Variants in APP observed in about 807,000 individuals in gnomAD.
APP encodes amyloid beta precursor protein.
APP carries 31 observed loss-of-function variants against 101.4 expected under a neutral mutation model. That is an observed-to-expected ratio of 0.31 (90% confidence interval 0.23 to 0.41). The LOEUF (loss-of-function observed/expected upper bound fraction) is 0.41. Ranked by LOEUF, APP falls within the 10% of genes least tolerant of loss-of-function variation. APP has a pLI of 1.00. For synonymous variants in APP, 366 were observed against 364.4 expected, an observed-to-expected ratio of 1.00 and a Z score of -0.05; for missense variants, 839 against 1,003.7, an observed-to-expected ratio of 0.84 and a Z score of 2.22.
At chr21:26,157,417 G>A (rs536497298) in intron 1 of APP, among the ~76,000 whole-genome samples, 41 of 152,254 alleles carry the variant, frequency 2.7e-4, no homozygotes, top group Non-Finnish European at 5.1e-4. Context: ...ATGTTAGAAA[G>A]TAAAACCAAC....
intron 1 of APP, among the ~76,000 whole-genome samples, chr21:26,142,523 C>G (rs2063068599): frequency 6.6e-6 from 1 of 152,156 alleles, no homozygotes; most frequent in Non-Finnish European, 1.5e-5. Flanking sequence ...AATTCCAGCA[C>G]TTTGGGAGAT....
intron 13 of APP, among the ~76,000 whole-genome samples, chr21:25,924,544 T>A (rs968755205): frequency 2.0e-5 from 3 of 150,064 alleles, no homozygotes; most frequent in Non-Finnish European, 3.0e-5. Context: ...TTCTCACTCA[T>A]AAGTGGGAGC....
chr21:26,091,696 G>C (rs1002623343), intron 2 of APP, among the ~76,000 whole-genome samples: 2 of 152,126 alleles, frequency 1.3e-5, no homozygotes, highest in African/African-American at 4.8e-5. Flanking sequence ...TTGTCTGAAA[G>C]CATGCACTTC....
chr21:26,038,481 C>A lies in APP; in HGVS notation c.662+12519G>T, dbSNP rs113570611. On this transcript the variant is annotated intron_variant, in intron 5 of 17. Transcript: ENST00000346798. ...TGATTTGACTAAGAAAAAAATCACC[C>A]CAGCTGGCGCGGTGTCTCACGCCTG... Among the ~76,000 whole-genome samples the A allele has an allele frequency of 3.0e-3, 460 of 152,146 alleles. 3 individuals carry two copies. The highest frequency in any genetic ancestry group is 0.01 in the African/African-American group (431 of 41,502).
At chr21:25,905,640 C>T (rs2038750012) in intron 14 of APP, among the ~76,000 whole-genome samples, 1 of 152,196 alleles carries the variant, frequency 6.6e-6, no homozygotes, top group Non-Finnish European at 1.5e-5. Flanking sequence ...AGGGAAACCG[C>T]AGTCTTTTTC....
rs2062336028 is a variant in APP, at chr21:26,112,003, T to C, written c.201A>G (p.Glu67=). The C allele has an allele frequency of 6.2e-7, 1 of 1,614,008 alleles. No individual in the cohort carries two copies. The change falls in exon 2 of 18, where the codon GAA becomes GAG. Residue 67 remains glutamate, a synonymous_variant. Coordinates refer to ENST00000346798, the MANE Select transcript of APP (RefSeq NM_000484.4). ...CTTCTTGGCAATACTGCAGGATGCC[T>C]TCCTTGGTATCAATGCAGGTTTTGG... ...SGTKTCIDTK[E]GILQYCQEVY... is the part of the protein sequence containing the mutation.
chr21:26,034,735 C>A (rs939769817), intron 5 of APP, among the ~76,000 whole-genome samples: 3 of 151,718 alleles, frequency 2.0e-5, no homozygotes, highest in African/African-American at 4.8e-5. Flanking sequence ...AGAGACCAAT[C>A]AGGAACAATG....
At chr21:25,898,864 TCTTTCAATCTTGTCTACGA>T (rs1413114434) in intron 15 of APP, among the ~76,000 whole-genome samples, 2 of 152,204 alleles carry the variant, frequency 1.3e-5, no homozygotes, top group Non-Finnish European at 2.9e-5. Context: ...GCCTAATCAC[TCTTTCAATCTTGTCTACGA>T]GATTCTGGGA....
chr21:26,005,685 AAGAG>A (rs1164779517), intron 6 of APP, among the ~76,000 whole-genome samples: 1 of 152,222 alleles, frequency 6.6e-6, no homozygotes, highest in Admixed American at 6.5e-5. Context: ...AAAATATCTC[AAGAG>A]AGAGTTCAAA....
intron 16 of APP, among the ~76,000 whole-genome samples, chr21:25,893,596 G>C (rs2037835531): frequency 6.6e-6 from 1 of 152,188 alleles, no homozygotes; most frequent in African/African-American, 2.4e-5. Context: ...TTAGGCCAAA[G>C]CCTAATCAAG....
chr21:25,970,396 T>C (rs376604079), intron 11 of APP, among the ~76,000 whole-genome samples: 16 of 152,276 alleles, frequency 1.1e-4, no homozygotes, highest in African/African-American at 1.4e-4. Context: ...GATCTTACTT[T>C]AGAGATTGGA....
chr21:25,973,895 G>GCAC (rs1311336181), intron 11 of APP, among the ~76,000 whole-genome samples: 1 of 143,918 alleles, frequency 6.9e-6, no homozygotes, highest in African/African-American at 2.7e-5. Flanking sequence ...AGCTGAGATT[G>GCAC]CACCACTGCA....
intron 8 of APP, among the ~76,000 whole-genome samples, chr21:25,992,476 T>C (rs988406227): frequency 3.9e-5 from 6 of 152,224 alleles, no homozygotes; most frequent in Non-Finnish European, 7.3e-5. Flanking sequence ...TATTTCATCA[T>C]GAATACATCA....
Position 25,966,073 on chromosome 21 carries a change from T to C in APP, c.1458+8997A>G, listed in dbSNP as rs1427116858. Among the ~76,000 whole-genome samples the C allele has an allele frequency of 2.0e-5, 3 of 152,196 alleles. No homozygotes were observed. The East Asian group carries it at 5.8e-4, about 29-fold the overall frequency. On this transcript the variant is annotated intron_variant, in intron 11 of 17. Coordinates refer to ENST00000346798, the MANE Select transcript of APP (RefSeq NM_000484.4). Reference sequence around the variant, plus strand: ...GCTAATGCCTTCCCAACATACTTCTTAATGTTCTATGTAACTTAATTAAAC... The same window carrying C: ...GCTAATGCCTTCCCAACATACTTCTCAATGTTCTATGTAACTTAATTAAAC...
At chr21:25,896,053 T>C (rs2038023148) in intron 16 of APP, among the ~76,000 whole-genome samples, 1 of 152,174 alleles carries the variant, frequency 6.6e-6, no homozygotes, top group African/African-American at 2.4e-5. Context: ...AATGCAAATC[T>C]GTACATTAAT....
chr21:26,092,094 G>A (rs1048354384), intron 2 of APP, among the ~76,000 whole-genome samples: 1 of 152,182 alleles, frequency 6.6e-6, no homozygotes, highest in African/African-American at 2.4e-5. Flanking sequence ...ATGGCTTGAT[G>A]TCAATTGAGC....
At chr21:26,093,462 C>T (rs78003941) in intron 2 of APP, among the ~76,000 whole-genome samples, 3,389 of 152,206 alleles carry the variant, frequency 0.022, 84 homozygotes, top group East Asian at 0.1. Flanking sequence ...AACTTAAAAC[C>T]AACGAATTGT....
At chr21:25,909,250 G>C (rs766463816) in intron 14 of APP, among the ~76,000 whole-genome samples, 3 of 135,340 alleles carry the variant, frequency 2.2e-5, no homozygotes, top group Admixed American at 8.4e-5. Flanking sequence ...CTGGGCGACA[G>C]AGCGAGACTC....
At chr21:26,005,549 C>A (rs967001451) in intron 6 of APP, among the ~76,000 whole-genome samples, 6 of 152,196 alleles carry the variant, frequency 3.9e-5, no homozygotes, top group African/African-American at 1.4e-4. Context: ...CCTTTACATC[C>A]CTCTCTAGCA....
Sources: gnomAD v4.1 joint callset for allele counts (sites outside exome capture counted in the v4.1 genomes callset) on GRCh38, gnomAD v4.1.1 for gene constraint, MANE v1.5 for transcripts, NCBI Gene and HGNC (gene_info 2026-07-23, HGNC 2026-07-21) for gene names.